The following KNTC1 variants were observed in gnomAD, a reference collection of about 807,000 sequenced individuals.
The protein encoded by KNTC1 is kinetochore-associated protein 1.
In KNTC1, 253 loss-of-function variants were observed where a neutral mutation model predicts 314.4. The observed-to-expected ratio is 0.80, with a 90% confidence interval of 0.73 to 0.89. The LOEUF is 0.89. KNTC1 is among the 40% of genes least tolerant of loss of function. The probability of loss-of-function intolerance (pLI) is 0.00; values close to 1 mark genes in which losing one functional copy is unlikely to be tolerated. For synonymous variants in KNTC1, 901 were observed against 901.4 expected (o/e 1.00, Z 0.01); for missense variants, 2,475 against 2,572.9 (o/e 0.96, Z 0.82).
At chr12:122,605,521 G>A (rs1399597395) in intron 51 of KNTC1, 106 bp downstream of exon 51, 10 of 586,026 alleles carry the variant, frequency 1.7e-5, no homozygotes, top group Admixed American at 3.1e-5. Flanking sequence ...AATTAGGAGC[G>A]CAGACTCTTC....
chr12:122,588,916 T>A, intron 40 of KNTC1, 100 bp downstream of exon 40: 3 of 609,488 alleles, frequency 4.9e-6, no homozygotes, highest in Non-Finnish European at 8.0e-6. Context: ...AGTACAGTAG[T>A]ATTTTACTAT....
chr12:122,546,055 G>A, intron 8 of KNTC1, 121 bp from the exon 9 acceptor site: 2 of 658,266 alleles, frequency 3.0e-6, no homozygotes, highest in Non-Finnish European at 5.4e-6. Flanking sequence ...ACCTAGTTAA[G>A]TTAGAATATG....
chr12:122,617,846 G>A (rs144813628), intron 57 of KNTC1, among the ~76,000 whole-genome samples: 112 of 152,242 alleles, frequency 7.4e-4, no homozygotes, highest in African/African-American at 2.6e-3. Flanking sequence ...CCGTATCAGC[G>A]CATAGCGATT....
intron 31 of KNTC1, among the ~76,000 whole-genome samples, chr12:122,579,274 C>T (rs1202380110): frequency 1.3e-5 from 2 of 150,680 alleles, no homozygotes; most frequent in South Asian, 2.1e-4. Flanking sequence ...CCGTTTTAGC[C>T]GGGATGGTCT....
Position 122,547,927 on chromosome 12 carries a change from A to G in KNTC1, c.945A>G (p.Thr315=), listed in dbSNP as rs201954851. 1.9e-5 allele frequency: 29 copies of G among 1,544,110 alleles called. 1 individual carries two copies. The Admixed American group carries it at 5.3e-4, about 28-fold the overall frequency. ...TTTTCTCTTTTAGGCAAGGAATTAC[A>G]AATCTCAAATTAATAGCTCTGACAG... The part of the protein sequence containing the change: ...SPSSVTWQGI[T]NLKLIALTAS... Residue 315 remains threonine, a synonymous_variant, in exon 12 of 64, where the codon ACA becomes ACG. Coordinates refer to ENST00000333479, the MANE Select transcript of KNTC1 (RefSeq NM_014708.6).
intron 33 of KNTC1, among the ~76,000 whole-genome samples, chr12:122,582,182 TGAGGCTA>T (rs1470577219): frequency 6.6e-6 from 1 of 152,136 alleles, no homozygotes; most frequent in Non-Finnish European, 1.5e-5. Flanking sequence ...TTTGGGAGAA[TGAGGCTA>T]GAGGATCACT....
In KNTC1 at chr12:122,620,596, C is replaced by T. The variant is rs2270775; in HGVS notation, c.6267C>T (p.His2089=). The change falls in exon 60 of 64, where the codon CAC becomes CAT. Residue 2089 remains histidine, a synonymous_variant. Transcript: ENST00000333479. ...LMLMPHSEKR[H]QQIKNFLGSC... ...TCATGCCCCACTCAGAGAAAAGACA[C>T]CAGCAAATTAAGGTATCGTGCACAT... The T allele has an allele frequency of 0.24, 385,223 of 1,611,886 alleles. 48,630 individuals carry two copies. The highest frequency in any genetic ancestry group is 0.47 in the East Asian group (21,235 of 44,802).
chr12:122,594,686 A>G (rs1308005546), intron 43 of KNTC1, among the ~76,000 whole-genome samples: 1 of 152,242 alleles, frequency 6.6e-6, no homozygotes, highest in East Asian at 1.9e-4. Flanking sequence ...ACCAAGGCCT[A>G]GAAATCGCTG....
rs1227804932 is a variant in KNTC1 at position 122,597,929 on chromosome 12, A to G, written c.4554A>G (p.Ile1518Met). 2.5e-6 allele frequency: 4 copies of G among 1,613,498 alleles called. No homozygotes were observed. Among genetic ancestry groups the G allele is most frequent in the Non-Finnish European group, 3.4e-6 (4 of 1,179,400 alleles). The change falls in exon 44 of 64, where the codon ATA (isoleucine) becomes ATG (methionine). Residue 1518 changes from isoleucine (I) to methionine (M), a missense_variant. By Grantham distance (10) the Ile-to-Met change is conservative. Transcript: ENST00000333479. Reference sequence around the variant, plus strand: ...ATTTGGTCATCAGTCTTAGTGGAATACTACATAAGGTAGACACACAGTGAA... The same window carrying G: ...ATTTGGTCATCAGTCTTAGTGGAATGCTACATAAGGTAGACACACAGTGAA... ...TKDLVISLSGILHKLDPYDYE... is the reference protein window; with the variant it reads ...TKDLVISLSGMLHKLDPYDYE...
At chr12:122,535,888 AG>A (rs1157518822) in intron 3 of KNTC1, among the ~76,000 whole-genome samples, 1 of 149,316 alleles carries the variant, frequency 6.7e-6, no homozygotes, top group African/African-American at 2.5e-5. Context: ...ATATTATGAA[AG>A]TTTTTTTTTT....
At chr12:122,604,523 G>T in intron 48 of KNTC1, 41 bp from the exon 49 acceptor site, 1 of 1,106,534 alleles carries the variant, frequency 9.0e-7, no homozygotes. Flanking sequence ...ATTAAGATTT[G>T]CCTGTAAATC....
chr12:122,542,816 A>G (rs899454940), intron 6 of KNTC1, among the ~76,000 whole-genome samples: 1 of 152,200 alleles, frequency 6.6e-6, no homozygotes, highest in Non-Finnish European at 1.5e-5. Context: ...GTTTTAAGCT[A>G]GTAGTCTGGA....
At chr12:122,533,783 T>C (rs933127326) in intron 2 of KNTC1, among the ~76,000 whole-genome samples, 1 of 150,572 alleles carries the variant, frequency 6.6e-6, no homozygotes, top group Non-Finnish European at 1.5e-5. Context: ...ACTTTTGAAA[T>C]AGTCATAAAA....
chr12:122,562,576 TA>T, intron 19 of KNTC1, 61 bp from the exon 20 acceptor site: 1 of 1,000,002 alleles, frequency 1.0e-6, no homozygotes, highest in African/African-American at 1.6e-5. Context: ...GATTCATTTT[TA>T]ATGTTTTAAT....
intron 3 of KNTC1, among the ~76,000 whole-genome samples, chr12:122,537,007 A>G (rs1048266177): frequency 2.0e-5 from 3 of 152,224 alleles, no homozygotes; most frequent in African/African-American, 7.2e-5. Flanking sequence ...AGTTTCTTCT[A>G]TTAAGTGGTG....
intron 8 of KNTC1, 51 bp downstream of exon 8, chr12:122,544,320 GA>G: frequency 1.1e-6 from 1 of 892,060 alleles, no homozygotes; most frequent in Non-Finnish European, 1.7e-6. Flanking sequence ...CATTTTCTCA[GA>G]AAAATGTTTT....
intron 43 of KNTC1, 76 bp downstream of exon 43, chr12:122,594,461 A>G: frequency 1.2e-6 from 1 of 856,538 alleles, no homozygotes; most frequent in South Asian, 1.4e-5. Context: ...AGTAATAACG[A>G]TGATTATTTT....
intron 61 of KNTC1, 144 bp downstream of exon 61, chr12:122,622,114 A>T: frequency 5.6e-6 from 4 of 714,916 alleles, no homozygotes; most frequent in Non-Finnish European, 9.4e-6. Flanking sequence ...CTAAAACCTC[A>T]GTAAATTTTT....
intron 29 of KNTC1, among the ~76,000 whole-genome samples, chr12:122,576,558 G>T (rs922814299): frequency 1.3e-5 from 2 of 152,108 alleles, no homozygotes; most frequent in African/African-American, 4.8e-5. Context: ...GCATGTGCCT[G>T]TAGTCCCAGC....
Sources: allele counts gnomAD v4.1 joint callset (sites outside exome capture counted in the v4.1 genomes callset), GRCh38; gene constraint gnomAD v4.1.1; transcripts MANE v1.5; gene names NCBI Gene and HGNC (gene_info 2026-07-23, HGNC 2026-07-21).